EYS: variants seen among roughly 807,000 people sequenced by gnomAD.
EYS encodes the protein EGF-like photoreceptor maintenance factor.
EYS carries 250 observed loss-of-function variants against 282.1 expected under a neutral mutation model. That is an observed-to-expected ratio of 0.89 (90% CI 0.80 to 0.98). The LOEUF is 0.98. Ranked by LOEUF, EYS falls within the 50% of genes least tolerant of loss-of-function variation. The probability of loss-of-function intolerance (pLI) is 0.00; values close to 1 mark genes in which losing one functional copy is unlikely to be tolerated. For missense variants in EYS, 4,016 were observed against 3,709.0 expected (o/e 1.08, Z -2.15); for synonymous variants, 1,355 against 1,282.9 (o/e 1.06, Z -1.20).
chr6:65,143,715 T>C (rs1764407056), intron 12 of EYS, among the ~76,000 whole-genome samples: 1 of 152,134 alleles, frequency 6.6e-6, no homozygotes, highest in Non-Finnish European at 1.5e-5. Flanking sequence ...ATATTTCCTC[T>C]GTGCTGCAAC....
chr6:64,040,359 T>C (rs539191519), intron 33 of EYS, among the ~76,000 whole-genome samples: 195 of 152,318 alleles, frequency 1.3e-3, no homozygotes, highest in South Asian at 8.5e-3. Flanking sequence ...TTTGGAATTG[T>C]AGTTGGAATG....
chr6:65,337,534 T>C (rs1049958803), intron 10 of EYS, among the ~76,000 whole-genome samples: 2 of 151,258 alleles, frequency 1.3e-5, no homozygotes, highest in African/African-American at 4.8e-5. Flanking sequence ...TAACTCTATA[T>C]CTACAGGTAG....
chr6:64,283,929 C>T (rs115946992), intron 30 of EYS, among the ~76,000 whole-genome samples: 168 of 152,264 alleles, frequency 1.1e-3, no homozygotes, highest in African/African-American at 3.7e-3. Context: ...ATTATCCCCA[C>T]CAAGTCCCTC....
Position 65,075,759 on chromosome 6 carries a change from T to C in EYS, c.2024-18032A>G, listed in dbSNP as rs542494894. 7.6e-4 allele frequency among the ~76,000 whole-genome samples: 115 copies of C among 152,110 alleles called. 1 individual carries two copies. Among genetic ancestry groups the C allele is most frequent in the African/African-American group, 2.4e-3 (99 of 41,576 alleles). On this transcript the variant is annotated intron_variant, in intron 12 of 42. Coordinates refer to ENST00000503581, the MANE Select transcript of EYS (RefSeq NM_001142800.2). ...AGCCTAATATTTCTAAGGAGAATTA[T>C]AGCAACTCTTGGAGAATTGTTAACA...
chr6:64,007,978 G>A (rs1768429846), intron 33 of EYS, among the ~76,000 whole-genome samples: 1 of 152,110 alleles, frequency 6.6e-6, no homozygotes, highest in Non-Finnish European at 1.5e-5. Flanking sequence ...TTTGAGTGGA[G>A]ATATCTGTTA....
intron 2 of EYS, among the ~76,000 whole-genome samples, chr6:65,510,912 CTCTG>C (rs1489791518): frequency 6.6e-6 from 1 of 152,150 alleles, no homozygotes; most frequent in African/African-American, 2.4e-5. Context: ...ACATAATATT[CTCTG>C]TCTGCCTCTT....
chr6:65,251,212 CAA>C (rs1170613763), intron 12 of EYS, among the ~76,000 whole-genome samples: 1 of 150,412 alleles, frequency 6.6e-6, no homozygotes, highest in Non-Finnish European at 1.5e-5. Context: ...TATCTTCCAA[CAA>C]AAAAATTAAA....
chr6:63,972,196 C>A (rs1264858052), intron 35 of EYS, among the ~76,000 whole-genome samples: 1 of 152,070 alleles, frequency 6.6e-6, no homozygotes, highest in Non-Finnish European at 1.5e-5. Context: ...TAGAGGATTG[C>A]TTTTGAAACT....
At chr6:64,376,464 T>G (rs1772564010) in intron 29 of EYS, among the ~76,000 whole-genome samples, 1 of 152,216 alleles carries the variant, frequency 6.6e-6, no homozygotes, top group South Asian at 2.1e-4. Flanking sequence ...CTGAAGAATC[T>G]GAAATAAGTC....
intron 42 of EYS, among the ~76,000 whole-genome samples, chr6:63,725,583 A>G (rs1339353158): frequency 6.6e-6 from 1 of 152,134 alleles, no homozygotes; most frequent in African/African-American, 2.4e-5. Flanking sequence ...AAAACCAAAT[A>G]TCTCAGGAGA....
intron 31 of EYS, among the ~76,000 whole-genome samples, chr6:64,179,859 C>T (rs1295419043): frequency 6.6e-6 from 1 of 152,024 alleles, no homozygotes; most frequent in African/African-American, 2.4e-5. Flanking sequence ...TTGCACATTA[C>T]AGACAGTGAA....
intron 26 of EYS, among the ~76,000 whole-genome samples, chr6:64,568,181 A>G (rs1157998627): frequency 6.6e-6 from 1 of 152,184 alleles, no homozygotes; most frequent in Non-Finnish European, 1.5e-5. Flanking sequence ...TGAGGAAACT[A>G]TGGGGTTTGG....
intron 12 of EYS, among the ~76,000 whole-genome samples, chr6:65,232,722 T>G (rs1485779216): frequency 6.6e-6 from 1 of 152,082 alleles, no homozygotes; most frequent in Admixed American, 6.6e-5. Flanking sequence ...CCATATAGAA[T>G]ACATTATACT....
intron 31 of EYS, among the ~76,000 whole-genome samples, chr6:64,098,876 T>TACA (rs1471544531): frequency 6.6e-6 from 1 of 152,162 alleles, no homozygotes; most frequent in African/African-American, 2.4e-5. Flanking sequence ...GTGCTGGGAT[T>TACA]ACAAGCATGA....
intron 22 of EYS, among the ~76,000 whole-genome samples, chr6:64,765,736 C>T (rs1049689039): frequency 6.6e-6 from 1 of 152,008 alleles, no homozygotes; most frequent in African/African-American, 2.4e-5. Flanking sequence ...ATGCCACACA[C>T]TTTAAACTAT....
intron 37 of EYS, among the ~76,000 whole-genome samples, chr6:63,801,399 T>A (rs950538620): frequency 3.3e-5 from 5 of 152,072 alleles, no homozygotes; most frequent in Non-Finnish European, 7.4e-5. Flanking sequence ...CCCCAGCACC[T>A]AAAAGAAGGC....
chr6:64,719,759 G>T (rs1303803822), intron 22 of EYS, among the ~76,000 whole-genome samples: 1 of 152,118 alleles, frequency 6.6e-6, no homozygotes, highest in Non-Finnish European at 1.5e-5. Context: ...ACAAAAATTA[G>T]CCAGGCATGG....
intron 14 of EYS, among the ~76,000 whole-genome samples, chr6:64,973,888 T>C (rs1021750355): frequency 2.0e-5 from 3 of 151,842 alleles, no homozygotes; most frequent in South Asian, 2.1e-4. Context: ...TAGATAAACA[T>C]AGATAAGTCA....
intron 5 of EYS, among the ~76,000 whole-genome samples, chr6:65,476,076 T>A (rs963632321): frequency 2.7e-4 from 41 of 151,804 alleles, no homozygotes; most frequent in Admixed American, 1.3e-3. Flanking sequence ...AAAAAAAATT[T>A]AAAAAAAAGT....
Sources: gnomAD v4.1 joint callset for allele counts (sites outside exome capture counted in the v4.1 genomes callset) on GRCh38, gnomAD v4.1.1 for gene constraint, MANE v1.5 for transcripts, NCBI Gene and HGNC (gene_info 2026-07-23, HGNC 2026-07-21) for gene names.